ZDBF2: variants seen among roughly 807,000 people sequenced by gnomAD.
ZDBF2 encodes DBF4-type zinc finger-containing protein 2.
ZDBF2 carries 6 observed loss-of-function variants against 9.4 expected under a neutral mutation model. That is an observed-to-expected ratio of 0.64 (90% CI 0.35 to 1.27). The LOEUF is 1.27. Ranked by LOEUF, ZDBF2 falls within the 50% of genes most tolerant of loss-of-function variation. The pLI is 0.03. For synonymous variants in ZDBF2, 905 were observed against 946.3 expected (o/e 0.96, Z 0.80); for missense variants, 2,697 against 2,766.8 (o/e 0.97, Z 0.57).
chr2:206,300,644 T>C (rs1437914124), intron 4 of ZDBF2, among the ~76,000 whole-genome samples: 8 of 152,214 alleles, frequency 5.3e-5, no homozygotes, highest in Admixed American at 1.3e-4. Context: ...AGTTACTGTT[T>C]TTCCTAATTA....
Position 206,304,763 on chromosome 2 carries a change from G to C in ZDBF2, c.235G>C (p.Val79Leu), listed in dbSNP as rs761084030. ...TGTGAATACTGGGTCATCGTCTGAA[G>C]TGGTGCATTTGGATGATGCTTTTTC... Reference protein sequence around the residue: ...THVNTGSSSEVVHLDDAFSEE... With the variant: ...THVNTGSSSELVHLDDAFSEE... Residue 79 changes from valine to leucine, a missense_variant, in exon 5 of 5, where the codon GTG (valine) becomes CTG (leucine). By Grantham distance (32) the Val-to-Leu change is conservative (BLOSUM62 1). Around this residue, in one of 3 missense-constraint regions of ZDBF2, gnomAD observed 910 missense variants for 973.6 expected, o/e 0.93. Transcript: ENST00000374423. 1 of 1,613,542 alleles carries C rather than the reference G, an allele frequency of 6.2e-7. No homozygotes were observed.
chr2:206,279,438 G>C (rs1691197204), intron 1 of ZDBF2, 102 bp from the exon 2 acceptor site: 1 of 152,008 alleles, frequency 6.6e-6, no homozygotes, highest in Admixed American at 6.6e-5. Context: ...TTATATTATT[G>C]GAAACATGTC....
chr2:206,281,861 A>C lies in ZDBF2; in HGVS notation c.12A>C (p.Arg4Ser). 1.2e-6 allele frequency: 2 copies of C among 1,613,462 alleles called. No homozygotes were observed. The highest frequency in any genetic ancestry group is 1.7e-6 in the Non-Finnish European group (2 of 1,179,618). MQK[R>S]QGYCSYCRVQ... ...GTTATTTATTCAAGATGCAGAAAAG[A>C]CAAGGATATTGCAGTTATTGCCGTG... Residue 4 changes from arginine to serine, a missense_variant, in exon 3 of 5, where the codon AGA becomes AGC. Transcript: ENST00000374423.
chr2:206,276,115 T>A (rs1690986120), intron 1 of ZDBF2, among the ~76,000 whole-genome samples: 1 of 151,448 alleles, frequency 6.6e-6, no homozygotes, highest in East Asian at 1.9e-4. Flanking sequence ...GACTAGCATT[T>A]AAAAAAAAAT....
At chr2:206,288,025 C>A (rs1341167951) in intron 3 of ZDBF2, among the ~76,000 whole-genome samples, 1 of 151,860 alleles carries the variant, frequency 6.6e-6, no homozygotes, top group Non-Finnish European at 1.5e-5. Flanking sequence ...TCCTTAAGAT[C>A]TTTATTTTGA....
chr2:206,293,703 G>A (rs149813755), intron 3 of ZDBF2, among the ~76,000 whole-genome samples: 1 of 152,268 alleles, frequency 6.6e-6, no homozygotes, highest in East Asian at 1.9e-4. Context: ...TAAGGCCACA[G>A]TGATATAACA....
intron 4 of ZDBF2, among the ~76,000 whole-genome samples, chr2:206,302,101 TG>T: frequency 6.6e-6 from 1 of 152,068 alleles, no homozygotes. Context: ...CTCAAAGTCC[TG>T]GGCTCAAGTG....
chr2:206,297,430 T>G, intron 4 of ZDBF2, 57 bp downstream of exon 4: 2 of 1,463,792 alleles, frequency 1.4e-6, no homozygotes, highest in South Asian at 2.6e-5. Flanking sequence ...AGTAGGTGTT[T>G]GTGTTCATGT....
intron 2 of ZDBF2, among the ~76,000 whole-genome samples, 198 bp from the exon 3 acceptor site, chr2:206,281,603 G>A (rs1014300225): frequency 6.6e-6 from 1 of 152,108 alleles, no homozygotes; most frequent in African/African-American, 2.4e-5. Flanking sequence ...TCAAACATTG[G>A]CAACAAACTG....
At position 206,308,276 on chromosome 2, in the gene ZDBF2, C is replaced by G; in HGVS notation, c.3748C>G (p.Leu1250Val). ...TGAAATTATGTATGATTCTGATGTT[C>G]TTCAGCCAGTGGCTGGCCAACCTGA... ...GFEIMYDSDV[L>V]QPVAGQPEEV... Residue 1250 changes from leucine (L) to valine (V), a missense_variant, in exon 5 of 5, where the codon CTT (leucine) becomes GTT (valine). Leu to Val is a conservative substitution (Grantham distance 32). Around this residue, in one of 3 missense-constraint regions of ZDBF2, gnomAD observed 1,783 missense variants for 1,776.5 expected, o/e 1.00. Transcript: ENST00000374423. 6.2e-7 allele frequency: 1 copy of G among 1,613,878 alleles called. No individual in the cohort carries two copies. The highest frequency in any genetic ancestry group is 1.6e-4 in the Middle Eastern group (1 of 6,062).
At position 206,307,098 on chromosome 2, in the gene ZDBF2, A is replaced by G. The variant is rs745612071; in HGVS notation, c.2570A>G (p.Tyr857Cys). 5 of 1,612,056 alleles carry G rather than the reference A, an allele frequency of 3.1e-6. No homozygotes were observed. The highest frequency in any genetic ancestry group is 4.2e-6 in the Non-Finnish European group (5 of 1,179,310). ...AAAGAAGTAATTCAGAAAGAAGAGTACATTCACTTAGAAAGGAAGAATGAT... is the reference window on the plus strand; with the variant it reads ...AAAGAAGTAATTCAGAAAGAAGAGTGCATTCACTTAGAAAGGAAGAATGAT... Reference protein sequence around the residue: ...AVKEVIQKEEYIHLERKNDEP... With the variant: ...AVKEVIQKEECIHLERKNDEP... Residue 857 changes from tyrosine to cysteine, a missense_variant, in exon 5 of 5, where the codon TAC becomes TGC. By Grantham distance (194) the Tyr-to-Cys change is radical. Transcript: ENST00000374423.
rs1441415420 is a variant in ZDBF2 at position 206,305,053 on chromosome 2, C to G, written c.525C>G (p.Ser175Arg). ...VDIGQATNNR[S>R]NLVRPPVICN... ...TTGGTCAGGCTACAAATAATAGAAG[C>G]AACTTGGTACGCCCCCCAGTGATTT... The change falls in exon 5 of 5, where the codon AGC becomes AGG. Residue 175 changes from serine (S) to arginine (R), a missense_variant. Ser to Arg is a moderately radical substitution (Grantham distance 110). Around this residue, in one of 3 missense-constraint regions of ZDBF2, gnomAD observed 910 missense variants for 973.6 expected, o/e 0.93. Transcript: ENST00000374423. 2 of 1,613,786 alleles carry G rather than the reference C, an allele frequency of 1.2e-6. No individual in the cohort carries two copies. Among genetic ancestry groups the G allele is most frequent in the Non-Finnish European group, 1.7e-6 (2 of 1,179,814 alleles).
chr2:206,305,253 C>A lies in ZDBF2; in HGVS notation c.725C>A (p.Ser242Tyr). 2 of 1,613,650 alleles carry A rather than the reference C, an allele frequency of 1.2e-6. No individual in the cohort carries two copies. The highest frequency in any genetic ancestry group is 1.7e-6 in the Non-Finnish European group (2 of 1,179,778). ...DGASRNPVPSSHVETTSFSYQ... is the reference protein window; with the variant it reads ...DGASRNPVPSYHVETTSFSYQ... ...GCCTCTAGAAATCCTGTGCCATCAT[C>A]CCATGTAGAAACTACTTCATTTTCG... Residue 242 changes from serine (S) to tyrosine (Y), a missense_variant, in exon 5 of 5, where the codon TCC becomes TAC. Coordinates refer to ENST00000374423, the MANE Select transcript of ZDBF2 (RefSeq NM_020923.3).
rs1416537266 is a variant in ZDBF2 at position 206,312,023 on chromosome 2, A to C, written c.*430A>C. On this transcript the variant is annotated 3_prime_UTR_variant, in exon 5 of 5. Coordinates refer to ENST00000374423, the MANE Select transcript of ZDBF2 (RefSeq NM_020923.3). ...GAATGGGGTTGACTTAAATGAATAC[A>C]AACAAAATATAAGTTTTCTTTCTTT... 2 of 152,588 alleles carry C rather than the reference A, an allele frequency of 1.3e-5. No individual in the cohort carries two copies. Among genetic ancestry groups the C allele is most frequent in the East Asian group, 3.9e-4 (2 of 5,192 alleles). The allele number at this position is 152,588 out of a possible 1,614,324, so 9.5% of individuals were successfully genotyped here.
intron 3 of ZDBF2, among the ~76,000 whole-genome samples, chr2:206,283,504 A>T (rs188172685): frequency 2.7e-4 from 41 of 151,902 alleles, no homozygotes; most frequent in African/African-American, 9.4e-4. Context: ...GGGCATTTGT[A>T]TATCTTGTTT....
chr2:206,308,973 A>C lies in ZDBF2; in HGVS notation c.4445A>C (p.Glu1482Ala). The C allele has an allele frequency of 6.2e-7, 1 of 1,613,746 alleles. No homozygotes were observed. Among genetic ancestry groups the C allele is most frequent in the Non-Finnish European group, 8.5e-7 (1 of 1,179,778 alleles). The stretch of plus-strand genomic sequence containing the variant: ...AAAGAGGCAGACCTTCAGAAGGAAG[A>C]GCATGTTGTCATGGAAGAAAAGACC... ...SYKEADLQKE[E>A]HVVMEEKTDQ... is the part of the protein sequence containing the mutation. Residue 1482 changes from glutamate to alanine, a missense_variant, in exon 5 of 5, where the codon GAG becomes GCG. By Grantham distance (107) the Glu-to-Ala change is moderately radical. This residue lies in a region of ZDBF2 where 1,783 missense variants were observed against 1,776.5 expected (regional missense o/e 1.00). Coordinates refer to ENST00000374423, the MANE Select transcript of ZDBF2 (RefSeq NM_020923.3).
Position 206,305,402 on chromosome 2 carries a change from A to T in ZDBF2, c.874A>T (p.Met292Leu), listed in dbSNP as rs200849358. 1.9e-6 allele frequency: 3 copies of T among 1,613,574 alleles called. No individual in the cohort carries two copies. ...AGCTGGCTTGAAATTCCATGAACGC[A>T]TGGGTACTAAGGGCTCCTTAAGAGT... is the stretch of plus-strand genomic sequence containing the variant. ...LSAGLKFHER[M>L]GTKGSLRVKS... The change falls in exon 5 of 5, where the codon ATG (methionine) becomes TTG (leucine). Residue 292 changes from methionine (M) to leucine (L), a missense_variant. Coordinates refer to ENST00000374423, the MANE Select transcript of ZDBF2 (RefSeq NM_020923.3).
chr2:206,297,161 G>C (rs1168556188), intron 3 of ZDBF2, 85 bp from the exon 4 acceptor site: 8 of 548,912 alleles, frequency 1.5e-5, no homozygotes, highest in Middle Eastern at 2.7e-4. Flanking sequence ...ATTTTACCAA[G>C]AGTATAGAAA....
intron 1 of ZDBF2, among the ~76,000 whole-genome samples, chr2:206,278,031 A>G (rs1691117641): frequency 2.0e-5 from 3 of 152,230 alleles, no homozygotes; most frequent in South Asian, 2.1e-4. Context: ...TGGTATATGA[A>G]GGTGCTCATT....
Sources: allele counts gnomAD v4.1 joint callset (sites outside exome capture counted in the v4.1 genomes callset), GRCh38; gene constraint gnomAD v4.1.1; regional missense constraint gnomAD v4.1.1; transcripts MANE v1.5; gene names NCBI Gene and HGNC (gene_info 2026-07-23, HGNC 2026-07-21).